Variants in SYNE2 observed in about 807,000 individuals in gnomAD.
SYNE2 encodes the protein spectrin repeat containing nuclear envelope protein 2.
SYNE2 carries 431 observed loss-of-function variants against 856.3 expected under a neutral mutation model. That is an observed-to-expected ratio of 0.50 (90% CI 0.47 to 0.55). SYNE2 has a LOEUF of 0.55. SYNE2 is among the 20% of genes least tolerant of loss of function. SYNE2 has a pLI of 0.00. For missense variants in SYNE2, 8,129 were observed against 8,023.2 expected (o/e 1.01, Z -0.50); for synonymous variants, 2,923 against 2,872.3 (o/e 1.02, Z -0.56).
In SYNE2 at chr14:63,906,486, C is replaced by T. The variant is rs548622263; in HGVS notation, c.-51-2612C>T. 2.2e-4 allele frequency among the ~76,000 whole-genome samples: 33 copies of T among 152,174 alleles called. 1 individual carries two copies. In the East Asian group the frequency reaches 4.6e-3, roughly 21 times the overall value. Reference sequence around the variant, plus strand: ...AAAAAAATTATTATTGGTTCAACTTCGGAGTTTGATATTGGTCTACTCAAG... The same window carrying T: ...AAAAAAATTATTATTGGTTCAACTTTGGAGTTTGATATTGGTCTACTCAAG... On this transcript the variant is annotated intron_variant, in intron 1 of 115. Transcript: ENST00000555002.
In SYNE2 at chr14:64,070,701, C is replaced by A; in HGVS notation, c.10488C>A (p.Ser3496=). The part of the protein sequence containing the change: ...DNLQEELPEI[S]KTKEAATTEE... ...TTCAGGAAGAACTCCCTGAAATTTCCAAAACAAAAGAGGCAGCCACCACAG... is the reference window on the plus strand; with the variant it reads ...TTCAGGAAGAACTCCCTGAAATTTCAAAAACAAAAGAGGCAGCCACCACAG... The change falls in exon 52 of 116, where the codon TCC becomes TCA. Residue 3496 remains serine (S), a synonymous_variant. Transcript: ENST00000555002. The A allele has an allele frequency of 6.2e-7, 1 of 1,613,818 alleles. No individual in the cohort carries two copies. The highest frequency in any genetic ancestry group is 8.5e-7 in the Non-Finnish European group (1 of 1,179,936).
At chr14:64,060,003 G>T (rs1219559852) in intron 49 of SYNE2, among the ~76,000 whole-genome samples, 2 of 152,162 alleles carry the variant, frequency 1.3e-5, no homozygotes, top group Admixed American at 6.5e-5. Context: ...GGGGTCTTCA[G>T]TCGGCTTGTG....
rs775543014 is a variant in SYNE2, at chr14:64,002,804, C to A, written c.3871C>A (p.Pro1291Thr). 2 of 1,613,986 alleles carry A rather than the reference C, an allele frequency of 1.2e-6. No homozygotes were observed. Among genetic ancestry groups the A allele is most frequent in the Non-Finnish European group, 1.7e-6 (2 of 1,179,974 alleles). The change falls in exon 30 of 116, where the codon CCA becomes ACA. Residue 1291 changes from proline to threonine, a missense_variant. Transcript: ENST00000555002. Reference protein sequence around the residue: ...PGNFVLKELHPFDLHAMQNII... With the variant: ...PGNFVLKELHTFDLHAMQNII... The stretch of plus-strand genomic sequence containing the variant: ...CAACTTTGTATTAAAGGAGTTACAC[C>A]CATTTGATCTACACGCAATGCAGAA...
chr14:64,027,770 G>C lies in SYNE2; in HGVS notation c.6691G>C (p.Glu2231Gln), dbSNP rs745399847. Residue 2231 changes from glutamate (E) to glutamine (Q), a missense_variant, in exon 43 of 116, where the codon GAA (glutamate) becomes CAA (glutamine). Glu to Gln is a conservative substitution (Grantham distance 29). Around this residue, in one of 3 missense-constraint regions of SYNE2, gnomAD observed 297 missense variants for 380.9 expected, o/e 0.78. Coordinates refer to ENST00000555002, the MANE Select transcript of SYNE2 (RefSeq NM_182914.3). ...EPWLEIKHLH[E>Q]SLLQQLQDSV... is the part of the protein sequence containing the mutation. ...TTGGCTGGAAATAAAGCATCTACAC[G>C]AAAGTCTTCTTCAACAACTGCAGGT... 1 of 1,614,096 alleles carries C rather than the reference G, an allele frequency of 6.2e-7. No individual in the cohort carries two copies. The highest frequency in any genetic ancestry group is 1.1e-5 in the South Asian group (1 of 91,066).
At chr14:63,900,570 G>A (rs764182988) in intron 1 of SYNE2, among the ~76,000 whole-genome samples, 31 of 152,270 alleles carry the variant, frequency 2.0e-4, no homozygotes, top group East Asian at 1.9e-4. Flanking sequence ...CCCATGACAC[G>A]TGGGAATTGT....
At chr14:64,204,438 T>A (rs1367926000) in intron 100 of SYNE2, 1 of 152,236 alleles carries the variant, frequency 6.6e-6, no homozygotes, top group Non-Finnish European at 1.5e-5. Context: ...ATCTTTCCCC[T>A]TAAAGAATGG....
At chr14:63,934,609 G>T (rs1323814358) in intron 2 of SYNE2, among the ~76,000 whole-genome samples, 3 of 151,892 alleles carry the variant, frequency 2.0e-5, no homozygotes, top group Non-Finnish European at 4.4e-5. Context: ...GGATTGGGAA[G>T]ACTCCGTGGG....
At chr14:64,060,002 A>G (rs368730962) in intron 49 of SYNE2, among the ~76,000 whole-genome samples, 2 of 152,268 alleles carry the variant, frequency 1.3e-5, no homozygotes, top group East Asian at 3.9e-4. Context: ...AGGGGTCTTC[A>G]GTCGGCTTGT....
At chr14:63,958,104 G>A (rs532271448) in intron 8 of SYNE2, among the ~76,000 whole-genome samples, 1 of 152,252 alleles carries the variant, frequency 6.6e-6, no homozygotes, top group South Asian at 2.1e-4. Context: ...GAAAAATTGA[G>A]AAGATAGTGC....
intron 45 of SYNE2, 68 bp downstream of exon 45, chr14:64,031,425 G>T: frequency 7.2e-7 from 1 of 1,388,008 alleles, no homozygotes; most frequent in Non-Finnish European, 1.0e-6. Context: ...GCTCTGAAAA[G>T]AGGGTCGTGA....
chr14:64,216,918 G>T lies in SYNE2; in HGVS notation c.19542+531G>T, dbSNP rs191543689. ...TTTTGTATTTTTAGTAGAGATGGGG[G>T]TTTCACCATGTTGGCCAGGCTGGTC... On this transcript the variant is annotated intron_variant, in intron 108 of 115. Transcript: ENST00000555002. Among the ~76,000 whole-genome samples, 16 of 152,202 alleles carry T rather than the reference G, an allele frequency of 1.1e-4. No individual in the cohort carries two copies. The East Asian group carries it at 3.1e-3, about 29-fold the overall frequency.
At chr14:63,901,788 G>T (rs1595531545) in intron 1 of SYNE2, among the ~76,000 whole-genome samples, 2 of 152,286 alleles carry the variant, frequency 1.3e-5, no homozygotes, top group African/African-American at 4.8e-5. Flanking sequence ...GCCAAGCGTG[G>T]TGGCGTGTGC....
Position 64,221,703 on chromosome 14 carries a change from TG to T in SYNE2, c.20190+1del. 6.2e-7 allele frequency: 1 copy of T among 1,613,640 alleles called. No individual in the cohort carries two copies. The highest frequency in any genetic ancestry group is 8.5e-7 in the Non-Finnish European group (1 of 1,179,620). The stretch of plus-strand genomic sequence containing the variant: ...CTCCTAGAGTGTCGGAGGGAACTAA[TG>T]GTAAGTTTCCTCCCAAGGGCTCTGT... ...RALLECRREL[M>X]QLEKELVERQ... On this transcript the variant is annotated frameshift_variant and splice_region_variant, in exon 112 of 116. Coordinates refer to ENST00000555002, the MANE Select transcript of SYNE2 (RefSeq NM_182914.3). LOFTEE classifies it high-confidence loss of function.
chr14:63,977,973 C>G lies in SYNE2; in HGVS notation c.1362C>G (p.His454Gln). The G allele has an allele frequency of 6.2e-7, 1 of 1,613,816 alleles. No individual in the cohort carries two copies. The stretch of plus-strand genomic sequence containing the variant: ...CCTTTGAAAATAAGGATGAAAATCA[C>G]TTGCCATTGGTACCACCTAACAAAT... ...LLTFENKDEN[H>Q]LPLVPPNKLE... is the part of the protein sequence containing the mutation. The change falls in exon 13 of 116, where the codon CAC (histidine) becomes CAG (glutamine). Residue 454 changes from histidine to glutamine, a missense_variant. By Grantham distance (24) the His-to-Gln change is conservative (BLOSUM62 0). Coordinates refer to ENST00000555002, the MANE Select transcript of SYNE2 (RefSeq NM_182914.3).
At chr14:64,047,412 G>A (rs1021786197) in intron 45 of SYNE2, among the ~76,000 whole-genome samples, 3 of 152,128 alleles carry the variant, frequency 2.0e-5, no homozygotes, top group African/African-American at 7.2e-5. Context: ...GGAAGGGTGG[G>A]GATCAATCAG....
At chr14:64,072,376 T>G (rs2097418212) in intron 52 of SYNE2, among the ~76,000 whole-genome samples, 1 of 152,188 alleles carries the variant, frequency 6.6e-6, no homozygotes, top group Non-Finnish European at 1.5e-5. Flanking sequence ...CAGACACCAA[T>G]TCATTTCTCA....
chr14:64,030,545 T>C (rs1223694790), intron 44 of SYNE2, among the ~76,000 whole-genome samples: 1 of 152,250 alleles, frequency 6.6e-6, no homozygotes, highest in South Asian at 2.1e-4. Context: ...GCATTTACTA[T>C]TGATTTTCTG....
At chr14:64,225,084 C>T in intron 115 of SYNE2, 39 bp downstream of exon 115, 1 of 1,608,350 alleles carries the variant, frequency 6.2e-7, no homozygotes, top group Non-Finnish European at 8.5e-7. Flanking sequence ...CGTTCCCCTG[C>T]TCCACACTCC....
intron 6 of SYNE2, among the ~76,000 whole-genome samples, chr14:63,949,296 G>A (rs1025258642): frequency 1.3e-5 from 2 of 151,958 alleles, no homozygotes; most frequent in South Asian, 4.2e-4. Context: ...TATAATAAAA[G>A]CTATTCTTTT....
Sources: gnomAD v4.1 joint callset for allele counts (sites outside exome capture counted in the v4.1 genomes callset) on GRCh38, gnomAD v4.1.1 for gene constraint, gnomAD v4.1.1 regional missense constraint, MANE v1.5 for transcripts, NCBI Gene and HGNC (gene_info 2026-07-23, HGNC 2026-07-21) for gene names.